The following TRABD2A variants were observed in gnomAD, a reference collection of about 807,000 sequenced individuals.
The protein encoded by TRABD2A is metalloprotease TIKI1.
TRABD2A carries 43 observed loss-of-function variants against 45.6 expected under a neutral mutation model. That is an observed-to-expected ratio of 0.94 (90% CI 0.74 to 1.22). The LOEUF (loss-of-function observed/expected upper bound fraction) is 1.22, where lower values mean the gene tolerates loss of function less well. TRABD2A is among the 50% of genes most tolerant of loss of function. The pLI, the probability that TRABD2A is intolerant of heterozygous loss-of-function variation, is 0.00. For synonymous variants in TRABD2A, 269 were observed against 265.0 expected (o/e 1.02, Z -0.15); for missense variants, 642 against 652.4 (o/e 0.98, Z 0.17).
intron 4 of TRABD2A, among the ~76,000 whole-genome samples, chr2:84,838,475 T>C (rs1681592150): frequency 6.6e-6 from 1 of 152,196 alleles, no homozygotes; most frequent in Non-Finnish European, 1.5e-5. Flanking sequence ...ATTGCTTCTC[T>C]CCAACCCCCT....
intron 1 of TRABD2A, among the ~76,000 whole-genome samples, chr2:84,872,273 C>T (rs186013792): frequency 1.1e-4 from 17 of 152,296 alleles, no homozygotes; most frequent in Admixed American, 1.1e-3. Flanking sequence ...ACTTTAGAGG[C>T]TGAGGCAGGC....
intron 2 of TRABD2A, among the ~76,000 whole-genome samples, chr2:84,852,069 T>C (rs1176462734): frequency 6.6e-6 from 1 of 152,184 alleles, no homozygotes; most frequent in African/African-American, 2.4e-5. Flanking sequence ...ACGTGGTCCC[T>C]GAGATGTCTG....
chr2:84,829,394 A>AC (rs1681248008), intron 5 of TRABD2A, among the ~76,000 whole-genome samples: 3 of 142,860 alleles, frequency 2.1e-5, no homozygotes, highest in East Asian at 2.0e-4. Flanking sequence ...ACACACACAC[A>AC]CACACCACAC....
intron 2 of TRABD2A, chr2:84,850,737 A>G (rs1682058254): frequency 6.6e-6 from 1 of 152,252 alleles, no homozygotes; most frequent in African/African-American, 2.4e-5. Context: ...TTCAGCAACA[A>G]TGATCCAAGG....
chr2:84,848,327 AT>A, intron 2 of TRABD2A, among the ~76,000 whole-genome samples: 1 of 127,388 alleles, frequency 7.9e-6, no homozygotes, highest in Non-Finnish European at 1.8e-5. Flanking sequence ...GCACATAAAA[AT>A]GATAGATAGA....
chr2:84,860,028 C>T (rs2105398753), intron 2 of TRABD2A, among the ~76,000 whole-genome samples: 1 of 152,198 alleles, frequency 6.6e-6, no homozygotes, highest in East Asian at 1.9e-4. Flanking sequence ...GAGAATTAGC[C>T]ACAATGCAAG....
intron 1 of TRABD2A, among the ~76,000 whole-genome samples, chr2:84,873,437 A>AT (rs1489246623): frequency 2.6e-5 from 4 of 151,916 alleles, no homozygotes; most frequent in African/African-American, 9.7e-5. Flanking sequence ...AAAAAAAAAA[A>AT]TTAAAAACCA....
intron 5 of TRABD2A, among the ~76,000 whole-genome samples, chr2:84,827,790 A>T (rs535402653): frequency 6.6e-6 from 1 of 152,312 alleles, no homozygotes; most frequent in Admixed American, 6.5e-5. Context: ...TGACTATGGA[A>T]GAATGGTTAT....
At chr2:84,873,991 C>A (rs1195590125) in intron 1 of TRABD2A, among the ~76,000 whole-genome samples, 1 of 152,024 alleles carries the variant, frequency 6.6e-6, no homozygotes, top group African/African-American at 2.4e-5. Flanking sequence ...TCATGTTAAA[C>A]AAATATATTC....
At chr2:84,859,122 C>A (rs1682410509) in intron 2 of TRABD2A, among the ~76,000 whole-genome samples, 1 of 152,162 alleles carries the variant, frequency 6.6e-6, no homozygotes, top group South Asian at 2.1e-4. Flanking sequence ...AAGTTACTCC[C>A]CAGGAAAATG....
rs1190363833 is a variant in TRABD2A, at chr2:84,830,602, G to A, written c.1082+1453C>T. Among the ~76,000 whole-genome samples, 1 of 152,208 alleles carries A rather than the reference G, an allele frequency of 6.6e-6. No individual in the cohort carries two copies. The highest frequency in any genetic ancestry group is 2.4e-5 in the African/African-American group (1 of 41,448). On this transcript the variant is annotated intron_variant, in intron 5 of 6. Coordinates refer to ENST00000409520, the MANE Select transcript of TRABD2A (RefSeq NM_001277053.2). This position sits in a 1 kb window ranked among gnomAD's most constrained non-coding sequence, Gnocchi z 4.9. ...AAATCCCAGCGAGTCTTTAGTGGAGGAAGCCAAAAGCCTGGTGGAGAAGGA... is the reference window on the plus strand; with the variant it reads ...AAATCCCAGCGAGTCTTTAGTGGAGAAAGCCAAAAGCCTGGTGGAGAAGGA...
rs151141441 is a variant in TRABD2A at position 84,838,175 on chromosome 2, C to G, written c.991+974G>C. 1,290 of 716,412 alleles carry G rather than the reference C, an allele frequency of 1.8e-3. 5 individuals are homozygous for G. In the African/African-American group the frequency reaches 0.02, roughly 11 times the overall value. The allele number at this position is 716,412 out of a possible 1,614,324, so 44.4% of individuals were successfully genotyped here. On this transcript the variant is annotated intron_variant, in intron 4 of 6. Transcript: ENST00000409520. ...GAACCCATTCTGTCCCCTCCAGTAA[C>G]CATTAGGCAAACAGTTTTCACAGCT...
chr2:84,880,909 C>G, intron 1 of TRABD2A, 23 bp downstream of exon 1: 1 of 1,571,862 alleles, frequency 6.4e-7, no homozygotes. Context: ...GGCCGGCTCT[C>G]CAGCACCCGA....
intron 4 of TRABD2A, chr2:84,838,037 G>A: frequency 3.5e-6 from 2 of 564,516 alleles, no homozygotes; most frequent in Non-Finnish European, 6.4e-6. Flanking sequence ...TTCACACAGA[G>A]CAAGCTCTGA....
chr2:84,865,539 G>A (rs1371803968), intron 2 of TRABD2A, among the ~76,000 whole-genome samples: 1 of 152,148 alleles, frequency 6.6e-6, no homozygotes, highest in Admixed American at 6.5e-5. Context: ...CAGAACTGTT[G>A]GCTACATTCA....
At chr2:84,877,823 G>A (rs1028618158) in intron 1 of TRABD2A, among the ~76,000 whole-genome samples, 1 of 152,158 alleles carries the variant, frequency 6.6e-6, no homozygotes, top group Non-Finnish European at 1.5e-5. Flanking sequence ...TGCAATAACT[G>A]CACTTTTCCA....
intron 1 of TRABD2A, among the ~76,000 whole-genome samples, chr2:84,876,114 TG>T (rs1316599662): frequency 6.6e-6 from 1 of 152,052 alleles, no homozygotes; most frequent in African/African-American, 2.4e-5. Flanking sequence ...GTCAGAAATT[TG>T]GTTTTGGATC....
intron 2 of TRABD2A, among the ~76,000 whole-genome samples, chr2:84,864,299 A>T (rs1682599979): frequency 6.6e-6 from 1 of 152,198 alleles, no homozygotes; most frequent in Admixed American, 6.5e-5. Context: ...ATTGCCATGT[A>T]GGAGCAGGTG....
intron 2 of TRABD2A, among the ~76,000 whole-genome samples, chr2:84,845,147 T>A (rs369172718): frequency 2.6e-4 from 40 of 152,146 alleles, no homozygotes; most frequent in African/African-American, 8.4e-4. Flanking sequence ...GGTCAGGAGT[T>A]CAAGACCAGC....
Sources: gnomAD v4.1 joint callset for allele counts (sites outside exome capture counted in the v4.1 genomes callset) on GRCh38, gnomAD v4.1.1 for gene constraint, Gnocchi (gnomAD v3.1) non-coding constraint, MANE v1.5 for transcripts, NCBI Gene and HGNC (gene_info 2026-07-23, HGNC 2026-07-21) for gene names.